LGSN: variants seen among roughly 807,000 people sequenced by gnomAD.
LGSN encodes the protein lengsin, lens protein with glutamine synthetase domain.
In LGSN, 21 loss-of-function variants were observed where a neutral mutation model predicts 19.5. The observed-to-expected ratio is 1.07, with a 90% CI of 0.76 to 1.55. The LOEUF (loss-of-function observed/expected upper bound fraction) is 1.55, where lower values mean the gene tolerates loss of function less well. Among genes scored for constraint, LGSN ranks in the 40% most tolerant of loss-of-function variants. The probability of loss-of-function intolerance (pLI) is 0.00; values close to 1 mark genes in which losing one functional copy is unlikely to be tolerated. For missense variants in LGSN, 673 were observed against 608.5 expected (o/e 1.11, Z -1.12); for synonymous variants, 257 against 215.6 (o/e 1.19, Z -1.68).
chr6:63,503,186 T>C, the LGSN span, among the ~76,000 whole-genome samples: 1 of 152,236 alleles, frequency 6.6e-6, no homozygotes, highest in Non-Finnish European at 1.5e-5. Flanking sequence ...CTTCTAGCTA[T>C]GGTCTCATAC....
the LGSN span, among the ~76,000 whole-genome samples, chr6:63,567,839 TTCTCAATAA>T: frequency 6.6e-6 from 1 of 152,252 alleles, no homozygotes; most frequent in African/African-American, 2.4e-5. Context: ...TGGCTAAATC[TTCTCAATAA>T]CTTGCTGCAG....
At chr6:63,365,371 A>C in the LGSN span, among the ~76,000 whole-genome samples, 19,833 of 151,976 alleles carry the variant, frequency 0.13, 2,861 homozygotes, top group African/African-American at 0.36. Flanking sequence ...CACACACCCT[A>C]CCAAGACTAA....
chr6:63,385,402 T>C, the LGSN span, among the ~76,000 whole-genome samples: 4 of 152,338 alleles, frequency 2.6e-5, no homozygotes, highest in African/African-American at 9.6e-5. Flanking sequence ...TCTTCAAATG[T>C]CCTCTTATAT....
chr6:63,362,307 C>T, the LGSN span, among the ~76,000 whole-genome samples: 120 of 152,324 alleles, frequency 7.9e-4, 2 homozygotes, highest in African/African-American at 2.5e-3. Context: ...ACACAGAAGA[C>T]GGGTGATTTC....
chr6:63,362,508 C>G, the LGSN span, among the ~76,000 whole-genome samples: 1 of 152,202 alleles, frequency 6.6e-6, no homozygotes, highest in South Asian at 2.1e-4. Flanking sequence ...AATAACTGTG[C>G]TTTTCCAATG....
chr6:63,356,988 C>G, the LGSN span, among the ~76,000 whole-genome samples: 14,702 of 119,826 alleles, frequency 0.12, 1,820 homozygotes, highest in African/African-American at 0.34. Context: ...CCCCTCCCCC[C>G]ACCCCACAAC....
At chr6:63,362,270 T>C in the LGSN span, among the ~76,000 whole-genome samples, 2 of 152,308 alleles carry the variant, frequency 1.3e-5, no homozygotes, top group African/African-American at 4.8e-5. Flanking sequence ...TAGGAACATC[T>C]TCAGTCTGCA....
At chr6:63,545,902 G>A in the LGSN span, among the ~76,000 whole-genome samples, 20 of 151,998 alleles carry the variant, frequency 1.3e-4, no homozygotes, top group African/African-American at 4.8e-4. Context: ...AATAAACCTG[G>A]TTCTGTTATT....
rs796582580 is a variant in LGSN, at chr6:63,294,792, T to C, written c.163+121A>G. 8.4e-6 allele frequency: 8 copies of C among 950,898 alleles called. No homozygotes were observed. In the African/African-American group the frequency reaches 1.2e-4, roughly 14 times the overall value. The allele number at this position is 950,898 out of a possible 1,614,324, so 58.9% of individuals were successfully genotyped here. A position where few individuals can be genotyped will look rare whatever the true frequency, so the allele number is the denominator to read the frequency against. ...ATCTTTTATGACACTTATGTAGGAATAACTTTTATTTGTCCTTTTGCTTCT... is the reference window on the plus strand; with the variant it reads ...ATCTTTTATGACACTTATGTAGGAACAACTTTTATTTGTCCTTTTGCTTCT... On this transcript the variant is annotated intron_variant, in intron 2 of 3. Coordinates refer to ENST00000370657, the MANE Select transcript of LGSN (RefSeq NM_016571.3).
the LGSN span, among the ~76,000 whole-genome samples, chr6:63,375,599 C>T: frequency 6.6e-6 from 1 of 152,046 alleles, no homozygotes; most frequent in Admixed American, 6.6e-5. Flanking sequence ...TCACCATCTA[C>T]TTTATTAGTT....
the LGSN span, among the ~76,000 whole-genome samples, chr6:63,539,441 T>C: frequency 6.6e-6 from 1 of 152,148 alleles, no homozygotes; most frequent in African/African-American, 2.4e-5. Flanking sequence ...CATTATTCTT[T>C]ATGGTTTGCA....
At chr6:63,412,490 GA>G in the LGSN span, among the ~76,000 whole-genome samples, 1 of 75,922 alleles carries the variant, frequency 1.3e-5, no homozygotes, top group African/African-American at 7.1e-5. Context: ...AGAGAAGAAA[GA>G]AAGAAAGAAA....
At chr6:63,521,511 G>C in the LGSN span, among the ~76,000 whole-genome samples, 1 of 152,150 alleles carries the variant, frequency 6.6e-6, no homozygotes, top group African/African-American at 2.4e-5. Flanking sequence ...CATGTAAAGA[G>C]GGTAAATGAC....
chr6:63,480,986 T>TATATATATATATACAC, the LGSN span, among the ~76,000 whole-genome samples: 1 of 44,074 alleles, frequency 2.3e-5, no homozygotes, highest in Non-Finnish European at 7.1e-5. Context: ...TATATATATA[T>TATATATATATATACAC]ACACACACAC....
chr6:63,406,323 CTG>C, the LGSN span, among the ~76,000 whole-genome samples: 1 of 152,130 alleles, frequency 6.6e-6, no homozygotes. Flanking sequence ...TTATAACAAA[CTG>C]TCTCTCAGAC....
the LGSN span, among the ~76,000 whole-genome samples, chr6:63,499,533 A>T: frequency 6.6e-6 from 1 of 152,090 alleles, no homozygotes; most frequent in African/African-American, 2.4e-5. Context: ...TTCTTTGGAT[A>T]ATAGAGAAGA....
the LGSN span, among the ~76,000 whole-genome samples, chr6:63,398,629 G>A: frequency 6.6e-6 from 1 of 151,966 alleles, no homozygotes; most frequent in African/African-American, 2.4e-5. Context: ...GTAAGCTAAG[G>A]TTAATTTATT....
At chr6:63,506,771 C>G in the LGSN span, among the ~76,000 whole-genome samples, 1 of 152,192 alleles carries the variant, frequency 6.6e-6, no homozygotes, top group African/African-American at 2.4e-5. Context: ...ATAAAAACAG[C>G]TTGAGCTACC....
the LGSN span, among the ~76,000 whole-genome samples, chr6:63,444,054 T>C: frequency 6.6e-6 from 1 of 152,150 alleles, no homozygotes; most frequent in African/African-American, 2.4e-5. Flanking sequence ...CAACTCATAA[T>C]AGGAGTCACC....
Sources: allele counts gnomAD v4.1 joint callset (sites outside exome capture counted in the v4.1 genomes callset), GRCh38; gene constraint gnomAD v4.1.1; transcripts MANE v1.5; gene names NCBI Gene and HGNC (gene_info 2026-07-23, HGNC 2026-07-21).